The following STIM2 variants were observed in gnomAD, a reference collection of about 807,000 sequenced individuals.
STIM2 encodes the protein stromal interaction molecule 2.
In STIM2, 31 loss-of-function variants were observed where a neutral mutation model predicts 85.8. The ratio of observed to expected loss-of-function variants is 0.36; its 90% CI spans 0.27 to 0.49. The LOEUF (loss-of-function observed/expected upper bound fraction) is 0.49, where lower values mean the gene tolerates loss of function less well. STIM2 is among the 20% of genes least tolerant of loss of function. The probability of loss-of-function intolerance (pLI) is 0.98; values close to 1 mark genes in which losing one functional copy is unlikely to be tolerated. For synonymous variants in STIM2, 356 were observed against 331.1 expected, an observed-to-expected ratio of 1.08 and a Z score of -0.82; for missense variants, 841 against 927.6, an observed-to-expected ratio of 0.91 and a Z score of 1.21.
Position 26,878,348 on chromosome 4 carries a change from G to T in STIM2, c.151+16979G>T, listed in dbSNP as rs530497660. ...TTGCCTTGTGACTGAGGTAGTACTT[G>T]GGACAGAGAGTTTTCTGTCCTTCCC... On this transcript the variant is annotated intron_variant, in intron 1 of 11. Transcript: ENST00000467087. 3.3e-5 allele frequency among the ~76,000 whole-genome samples: 5 copies of T among 152,076 alleles called. No homozygotes were observed. The South Asian group carries it at 1.0e-3, about 32-fold the overall frequency.
chr4:27,018,902 A>C (rs1728822919), intron 11 of STIM2, among the ~76,000 whole-genome samples: 1 of 152,278 alleles, frequency 6.6e-6, no homozygotes, highest in Non-Finnish European at 1.5e-5. Context: ...TTGCTAACAC[A>C]TAAGCAGTAT....
chr4:26,896,718 G>A (rs1293922643), intron 1 of STIM2, among the ~76,000 whole-genome samples: 1 of 152,134 alleles, frequency 6.6e-6, no homozygotes, highest in East Asian at 1.9e-4. Context: ...ATACAATTAA[G>A]TAAACTACAG....
intron 1 of STIM2, chr4:26,873,819 C>T (rs1722716139): frequency 1.1e-6 from 1 of 893,896 alleles, no homozygotes. Flanking sequence ...AAGGCAGACT[C>T]CCGCCTCAAC....
chr4:26,879,932 G>C (rs568559892), intron 1 of STIM2, among the ~76,000 whole-genome samples: 1 of 152,138 alleles, frequency 6.6e-6, no homozygotes, highest in South Asian at 2.1e-4. Flanking sequence ...CCATCACTCT[G>C]GTCTGGGCTA....
chr4:26,902,548 T>A (rs1227417896), intron 1 of STIM2, among the ~76,000 whole-genome samples: 3 of 152,218 alleles, frequency 2.0e-5, no homozygotes, highest in Non-Finnish European at 1.5e-5. Context: ...GTATAGGACC[T>A]ACACAGTAAC....
chr4:27,019,838 G>A (rs549936048), intron 11 of STIM2, among the ~76,000 whole-genome samples: 158 of 152,290 alleles, frequency 1.0e-3, no homozygotes, highest in Non-Finnish European at 2.2e-3. Flanking sequence ...AATAGCATAA[G>A]TGGTACAGAT....
At chr4:26,939,409 A>G (rs1725515688) in intron 2 of STIM2, among the ~76,000 whole-genome samples, 1 of 152,222 alleles carries the variant, frequency 6.6e-6, no homozygotes, top group Non-Finnish European at 1.5e-5. Context: ...ACTACCAAAT[A>G]TTGATGACAT....
chr4:27,006,761 C>T (rs1016045625), intron 7 of STIM2, among the ~76,000 whole-genome samples: 2 of 152,094 alleles, frequency 1.3e-5, no homozygotes, highest in South Asian at 2.1e-4. Flanking sequence ...ACTATGACAT[C>T]GTTATACTGA....
At chr4:26,931,407 A>C (rs1560210968) in intron 2 of STIM2, among the ~76,000 whole-genome samples, 1 of 152,164 alleles carries the variant, frequency 6.6e-6, no homozygotes, top group Admixed American at 6.5e-5. Context: ...ACTAACTAGA[A>C]ATATTTGATG....
At chr4:26,917,851 T>G (rs1181391500) in intron 1 of STIM2, among the ~76,000 whole-genome samples, 2 of 152,220 alleles carry the variant, frequency 1.3e-5, no homozygotes, top group African/African-American at 4.8e-5. Context: ...TTACACTATA[T>G]GTTGTTTTGG....
intron 3 of STIM2, among the ~76,000 whole-genome samples, chr4:26,961,896 C>T (rs1560221257): frequency 6.6e-6 from 1 of 152,034 alleles, no homozygotes; most frequent in Non-Finnish European, 1.5e-5. Flanking sequence ...AGGCTACGGG[C>T]GTATACCACC....
chr4:26,947,425 C>G (rs1474327970), intron 2 of STIM2, among the ~76,000 whole-genome samples: 1 of 151,928 alleles, frequency 6.6e-6, no homozygotes, highest in Non-Finnish European at 1.5e-5. Context: ...AATGATAAAG[C>G]TTGTGAAAAT....
chr4:26,881,582 T>C (rs934492919), intron 1 of STIM2: 2 of 152,414 alleles, frequency 1.3e-5, no homozygotes, highest in African/African-American at 2.4e-5. Flanking sequence ...CTGGTGCCTT[T>C]ATCTTGGACT....
At chr4:26,941,628 C>T (rs996401846) in intron 2 of STIM2, among the ~76,000 whole-genome samples, 1 of 151,852 alleles carries the variant, frequency 6.6e-6, no homozygotes, top group Non-Finnish European at 1.5e-5. Flanking sequence ...CTTACTTTCT[C>T]CCCTTAAAAA....
intron 1 of STIM2, among the ~76,000 whole-genome samples, chr4:26,876,375 A>G (rs1722815999): frequency 6.6e-6 from 1 of 152,062 alleles, no homozygotes; most frequent in African/African-American, 2.4e-5. Flanking sequence ...ACAGGAATAC[A>G]CTTTTAAGGT....
chr4:27,013,374 A>T (rs1419700634), intron 10 of STIM2, among the ~76,000 whole-genome samples: 1 of 151,982 alleles, frequency 6.6e-6, no homozygotes, highest in Non-Finnish European at 1.5e-5. Context: ...AAACTTTATT[A>T]TAGGTATGTA....
At chr4:26,874,772 A>G (rs369867392) in intron 1 of STIM2, among the ~76,000 whole-genome samples, 1 of 152,222 alleles carries the variant, frequency 6.6e-6, no homozygotes, top group Non-Finnish European at 1.5e-5. Context: ...TGTGCCACTT[A>G]GTTGTGGAGG....
At position 27,003,037 on chromosome 4, in the gene STIM2, G is replaced by A; in HGVS notation, c.914G>A (p.Arg305Lys). ...GCAAAGGAGGAGGCTTGTCGGCTGA[G>A]AGAGCTAAGGGAGGGAGCTGAATGT... Residue 305 changes from arginine to lysine, a missense_variant, in exon 7 of 12, where the codon AGA becomes AAA. Coordinates refer to ENST00000467087, the MANE Select transcript of STIM2 (RefSeq NM_020860.4). The A allele has an allele frequency of 6.2e-7, 1 of 1,605,444 alleles. No homozygotes were observed. The highest frequency in any genetic ancestry group is 8.5e-7 in the Non-Finnish European group (1 of 1,176,860).
intron 1 of STIM2, among the ~76,000 whole-genome samples, chr4:26,914,766 A>G (rs192287946): frequency 2.0e-5 from 3 of 152,372 alleles, no homozygotes; most frequent in African/African-American, 7.2e-5. Context: ...TATACTTAAT[A>G]TAATGGTTTG....
Sources: gnomAD v4.1 joint callset for allele counts (sites outside exome capture counted in the v4.1 genomes callset) on GRCh38, gnomAD v4.1.1 for gene constraint, MANE v1.5 for transcripts, NCBI Gene and HGNC (gene_info 2026-07-23, HGNC 2026-07-21) for gene names.